The following MERTK variants were observed in gnomAD, a reference collection of about 807,000 sequenced individuals.
The protein encoded by MERTK is tyrosine-protein kinase Mer.
Under a neutral mutation model 99.3 loss-of-function variants are expected in MERTK, and 69 were observed. The ratio of observed to expected loss-of-function variants is 0.70; its 90% CI spans 0.57 to 0.85. The LOEUF is 0.85. Among genes scored for constraint, MERTK ranks in the 40% least tolerant of loss-of-function variants. The pLI is 0.00. For missense variants in MERTK, 1,125 were observed against 1,249.4 expected (o/e 0.90, Z 1.50); for synonymous variants, 426 against 467.6 (o/e 0.91, Z 1.15).
intron 1 of MERTK, among the ~76,000 whole-genome samples, chr2:111,914,278 A>G (rs1684308748): frequency 6.7e-6 from 1 of 148,240 alleles, no homozygotes; most frequent in African/African-American, 2.5e-5. Flanking sequence ...TAATTTTTGT[A>G]TTTTTGTTTG....
At chr2:111,964,987 G>A (rs1685333572) in intron 4 of MERTK, among the ~76,000 whole-genome samples, 1 of 152,078 alleles carries the variant, frequency 6.6e-6, no homozygotes, top group African/African-American at 2.4e-5. Flanking sequence ...CTGCCTTTTG[G>A]GCCCATGGCT....
intron 6 of MERTK, among the ~76,000 whole-genome samples, chr2:111,970,916 A>T (rs1345685249): frequency 1.3e-5 from 2 of 150,920 alleles, no homozygotes; most frequent in African/African-American, 2.4e-5. Context: ...TGAAAGATTG[A>T]TGTTAAATCT....
chr2:111,952,384 T>G (rs1320146028), intron 4 of MERTK: 1 of 154,150 alleles, frequency 6.5e-6, no homozygotes, highest in Non-Finnish European at 1.5e-5. Flanking sequence ...ATCTGAACAG[T>G]CAGAATAGAA....
chr2:111,947,373 T>G (rs1684978739), intron 3 of MERTK, 21 bp from the exon 4 acceptor site: 1 of 1,613,842 alleles, frequency 6.2e-7, no homozygotes, highest in African/African-American at 1.3e-5. Context: ...AACATTCTTT[T>G]GTGTAACGTT....
chr2:111,925,277 T>G (rs796887995), intron 1 of MERTK, among the ~76,000 whole-genome samples: 41 of 44,924 alleles, frequency 9.1e-4, no homozygotes, highest in African/African-American at 4.2e-3. Flanking sequence ...ACAGATCAGA[T>G]ATATATATAT....
At chr2:111,905,668 A>G (rs993755442) in intron 1 of MERTK, among the ~76,000 whole-genome samples, 3 of 151,938 alleles carry the variant, frequency 2.0e-5, no homozygotes, top group South Asian at 2.1e-4. Flanking sequence ...AACGTTTCAC[A>G]ATGTTGGCCT....
intron 15 of MERTK, among the ~76,000 whole-genome samples, chr2:112,011,054 G>T (rs532943968): frequency 6.9e-6 from 1 of 144,490 alleles, no homozygotes; most frequent in African/African-American, 2.6e-5. Flanking sequence ...GAACCACCCA[G>T]TCTACACCTT....
chr2:111,945,558 G>C (rs1390649938), intron 3 of MERTK, among the ~76,000 whole-genome samples: 1 of 152,184 alleles, frequency 6.6e-6, no homozygotes, highest in Non-Finnish European at 1.5e-5. Context: ...TTGGGCACTG[G>C]TATCTGTCAG....
intron 15 of MERTK, chr2:112,010,311 T>A (rs1573638651): frequency 2.3e-6 from 1 of 426,028 alleles, no homozygotes; most frequent in South Asian, 2.1e-5. Context: ...GACAAAGCCT[T>A]ACCAACTTGA....
intron 2 of MERTK, among the ~76,000 whole-genome samples, chr2:111,931,199 T>C (rs1361008038): frequency 6.6e-6 from 1 of 151,860 alleles, no homozygotes; most frequent in African/African-American, 2.4e-5. Context: ...AGATGTGCCC[T>C]TTTTTTTACA....
chr2:111,997,032 A>C, intron 9 of MERTK: 1 of 411,790 alleles, frequency 2.4e-6, no homozygotes, highest in Admixed American at 3.7e-5. Context: ...CATTGATTTT[A>C]AAATTACTAT....
At chr2:112,006,979 C>A (rs146699559) in intron 13 of MERTK, among the ~76,000 whole-genome samples, 39 of 151,808 alleles carry the variant, frequency 2.6e-4, no homozygotes, top group African/African-American at 9.0e-4. Flanking sequence ...GTAGTTTTAC[C>A]CTGTTAACGC....
At chr2:111,966,906 A>G (rs1273787194) in intron 5 of MERTK, among the ~76,000 whole-genome samples, 2 of 152,024 alleles carry the variant, frequency 1.3e-5, no homozygotes, top group Non-Finnish European at 2.9e-5. Context: ...TGCTCATTCC[A>G]TCATCACCTT....
At chr2:111,950,856 A>G (rs1357340256) in intron 4 of MERTK, among the ~76,000 whole-genome samples, 1 of 152,204 alleles carries the variant, frequency 6.6e-6, no homozygotes, top group Non-Finnish European at 1.5e-5. Flanking sequence ...TAAGTTTAGA[A>G]GAAAAAGACA....
At chr2:111,980,412 CTTTTTTTTTTTTTT>C (rs34831521) in intron 7 of MERTK, among the ~76,000 whole-genome samples, 23 of 100,982 alleles carry the variant, frequency 2.3e-4, no homozygotes, top group African/African-American at 5.2e-4. Context: ...GCAACTATTT[CTTTTTTTTTTTTTT>C]TTTTTTTTTT....
chr2:111,958,080 A>G (rs1372461940), intron 4 of MERTK, among the ~76,000 whole-genome samples: 1 of 152,098 alleles, frequency 6.6e-6, no homozygotes, highest in Non-Finnish European at 1.5e-5. Context: ...ATCATAATGG[A>G]GTTGGGTGAA....
At chr2:111,950,225 C>T (rs763731386) in intron 4 of MERTK, among the ~76,000 whole-genome samples, 18 of 152,240 alleles carry the variant, frequency 1.2e-4, no homozygotes, top group Middle Eastern at 3.4e-3. Flanking sequence ...CATAAGCCAC[C>T]GTGCCTGGCC....
chr2:112,013,244 T>C (rs10179948), intron 15 of MERTK: 8,383 of 154,004 alleles, frequency 0.054, 229 homozygotes, highest in African/African-American at 0.059. Flanking sequence ...TGTTATAAAA[T>C]CACCGAGACT....
At chr2:111,986,822 C>T (rs1472122692) in intron 8 of MERTK, among the ~76,000 whole-genome samples, 1 of 152,208 alleles carries the variant, frequency 6.6e-6, no homozygotes, top group Non-Finnish European at 1.5e-5. Context: ...TCATGACAGT[C>T]TTGTGACCAC....
Sources: allele counts gnomAD v4.1 joint callset (sites outside exome capture counted in the v4.1 genomes callset), GRCh38; gene constraint gnomAD v4.1.1; transcripts MANE v1.5; gene names NCBI Gene and HGNC (gene_info 2026-07-23, HGNC 2026-07-21).